Variants in AFDN observed in about 807,000 individuals in gnomAD.
AFDN encodes the protein afadin, adherens junction formation factor, also known as afadin.
A neutral mutation model predicts 216.6 loss-of-function variants in AFDN; 68 were observed. The observed-to-expected ratio is 0.31, with a 90% CI of 0.26 to 0.38. AFDN has a LOEUF of 0.38. Ranked by LOEUF, AFDN falls within the 10% of genes least tolerant of loss-of-function variation. The pLI, the probability that AFDN is intolerant of heterozygous loss-of-function variation, is 1.00. For missense variants in AFDN, 2,136 were observed against 2,342.0 expected, an observed-to-expected ratio of 0.91 and a Z score of 1.82; for synonymous variants, 868 against 853.7, an observed-to-expected ratio of 1.02 and a Z score of -0.29.
intron 10 of AFDN, among the ~76,000 whole-genome samples, chr6:167,897,992 G>A (rs933168960): frequency 1.3e-5 from 2 of 151,930 alleles, no homozygotes; most frequent in Non-Finnish European, 2.9e-5. Flanking sequence ...AAGTCACTGG[G>A]TACTAAAAAT....
intron 1 of AFDN, among the ~76,000 whole-genome samples, chr6:167,833,372 G>GA (rs1392245462): frequency 2.6e-5 from 4 of 152,184 alleles, no homozygotes; most frequent in East Asian, 3.9e-4. Flanking sequence ...TATGATCCGT[G>GA]AAAAAAATGC....
chr6:167,954,907 A>G (rs1796342648), intron 30 of AFDN, among the ~76,000 whole-genome samples: 1 of 152,182 alleles, frequency 6.6e-6, no homozygotes, highest in South Asian at 2.1e-4. Flanking sequence ...GCCAGTTAAG[A>G]TATAACTGTC....
intron 2 of AFDN, 39 bp from the exon 3 acceptor site, chr6:167,870,347 C>T: frequency 7.6e-7 from 1 of 1,315,168 alleles, no homozygotes; most frequent in South Asian, 1.4e-5. Context: ...ATGAAATAAC[C>T]ATAGCTTATT....
intron 31 of AFDN, chr6:167,964,688 A>G: frequency 9.4e-7 from 1 of 1,064,588 alleles, no homozygotes; most frequent in Non-Finnish European, 1.1e-6. Flanking sequence ...GGGAGAAAAT[A>G]CAGGATGAAA....
chr6:167,849,687 A>G (rs754670586), intron 1 of AFDN, among the ~76,000 whole-genome samples: 1 of 152,222 alleles, frequency 6.6e-6, no homozygotes, highest in Non-Finnish European at 1.5e-5. Context: ...ATTTAACAGT[A>G]TAGAAGATTC....
In AFDN at chr6:167,947,590, A is replaced by G. The variant is rs146387831; in HGVS notation, c.3554-263A>G. 2.4e-3 allele frequency among the ~76,000 whole-genome samples: 359 copies of G among 152,354 alleles called. 5 individuals are homozygous for G. Among genetic ancestry groups the G allele is most frequent in the African/African-American group, 7.6e-3 (314 of 41,576 alleles). On this transcript the variant is annotated intron_variant, in intron 27 of 33. Transcript: ENST00000683244. ...GCCTAAAGTATTTACTTTCTGGCCT[A>G]TTACCAAAAATGTTTACCAGTCCCT...
intron 30 of AFDN, among the ~76,000 whole-genome samples, chr6:167,956,021 A>G (rs1212189887): frequency 6.8e-6 from 1 of 147,976 alleles, no homozygotes; most frequent in Non-Finnish European, 1.5e-5. Flanking sequence ...AGGCTGAGGC[A>G]TGACACTTGC....
intron 1 of AFDN, among the ~76,000 whole-genome samples, chr6:167,833,137 A>G (rs1232497883): frequency 6.6e-6 from 1 of 152,174 alleles, no homozygotes; most frequent in Non-Finnish European, 1.5e-5. Flanking sequence ...GAATATTCAG[A>G]CTTTTTTGTG....
intron 31 of AFDN, among the ~76,000 whole-genome samples, chr6:167,965,406 GGA>G (rs1196005801): frequency 6.6e-6 from 1 of 152,152 alleles, no homozygotes; most frequent in Non-Finnish European, 1.5e-5. Flanking sequence ...AATCAGAAGA[GGA>G]GAGAGAGAAG....
intron 30 of AFDN, among the ~76,000 whole-genome samples, chr6:167,954,657 C>G (rs1055110749): frequency 7.2e-5 from 11 of 152,046 alleles, no homozygotes; most frequent in Non-Finnish European, 1.3e-4. Context: ...TTGAATGTTC[C>G]TAGATTTAGT....
At chr6:167,885,428 C>T (rs933800691) in intron 6 of AFDN, among the ~76,000 whole-genome samples, 3 of 152,080 alleles carry the variant, frequency 2.0e-5, no homozygotes, top group African/African-American at 7.2e-5. Flanking sequence ...CTTCCTTTCA[C>T]TTAGAGGTCA....
At chr6:167,844,838 CCTTTT>C (rs1370059841) in intron 1 of AFDN, among the ~76,000 whole-genome samples, 9 of 149,070 alleles carry the variant, frequency 6.0e-5, no homozygotes, top group Admixed American at 2.0e-4. Flanking sequence ...GAATGAGCAT[CCTTTT>C]CTTTTCTTTT....
intron 32 of AFDN, 74 bp downstream of exon 32, chr6:167,966,119 C>A (rs2128763814): frequency 6.5e-7 from 1 of 1,535,822 alleles, no homozygotes; most frequent in Non-Finnish European, 8.7e-7. Flanking sequence ...CACGGCCACC[C>A]CCCTGCCAGC....
At chr6:167,899,881 G>A (rs1788730625) in intron 11 of AFDN, among the ~76,000 whole-genome samples, 1 of 152,152 alleles carries the variant, frequency 6.6e-6, no homozygotes, top group African/African-American at 2.4e-5. Context: ...TCTGTTCTCT[G>A]TATAAACACA....
chr6:167,939,882 T>C (rs1473561367), intron 23 of AFDN, among the ~76,000 whole-genome samples: 14 of 152,196 alleles, frequency 9.2e-5, no homozygotes, highest in Non-Finnish European at 1.8e-4. Flanking sequence ...GCAAAAAGCA[T>C]ATGTATTATT....
At chr6:167,921,610 GCTA>G (rs1477066305) in intron 21 of AFDN, among the ~76,000 whole-genome samples, 11 of 152,098 alleles carry the variant, frequency 7.2e-5, no homozygotes, top group Non-Finnish European at 1.3e-4. Context: ...CATTCCGTAA[GCTA>G]ATAAAGCCAA....
intron 22 of AFDN, among the ~76,000 whole-genome samples, chr6:167,924,461 C>T (rs1393691879): frequency 2.0e-5 from 3 of 152,186 alleles, no homozygotes. Flanking sequence ...TAGCAGCGTG[C>T]TCTGGGTGTT....
At chr6:167,886,040 T>C (rs942153153) in intron 6 of AFDN, among the ~76,000 whole-genome samples, 5 of 151,924 alleles carry the variant, frequency 3.3e-5, no homozygotes, top group African/African-American at 1.2e-4. Flanking sequence ...ATAAAATAAA[T>C]GCATAAAGAT....
intron 29 of AFDN, among the ~76,000 whole-genome samples, chr6:167,950,051 G>A (rs2128675436): frequency 6.6e-6 from 1 of 152,330 alleles, no homozygotes; most frequent in Middle Eastern, 3.4e-3. Context: ...GGTAGGCACA[G>A]TCTCTGTTTT....
Sources: gnomAD v4.1 joint callset for allele counts (sites outside exome capture counted in the v4.1 genomes callset) on GRCh38, gnomAD v4.1.1 for gene constraint, MANE v1.5 for transcripts, NCBI Gene and HGNC (gene_info 2026-07-23, HGNC 2026-07-21) for gene names.